CRY1: variants seen among roughly 807,000 people sequenced by gnomAD.
The protein encoded by CRY1 is cryptochrome-1.
Under a neutral mutation model 76.0 loss-of-function variants are expected in CRY1, and 45 were observed. That is an observed-to-expected ratio of 0.59 (90% CI 0.47 to 0.76). CRY1 has a LOEUF of 0.76. Among genes scored for constraint, CRY1 ranks in the 30% least tolerant of loss-of-function variants. CRY1 has a pLI of 0.00. For synonymous variants in CRY1, 248 were observed against 244.0 expected (o/e 1.02, Z -0.15); for missense variants, 587 against 716.4 (o/e 0.82, Z 2.06).
At chr12:107,067,890 C>T (rs891857774) in intron 1 of CRY1, among the ~76,000 whole-genome samples, 1 of 152,194 alleles carries the variant, frequency 6.6e-6, no homozygotes, top group African/African-American at 2.4e-5. Context: ...CTAACTATTC[C>T]ATAAGAACAA....
At chr12:106,998,158 A>G (rs1265003792) in intron 7 of CRY1, 92 bp from the exon 8 acceptor site, 2 of 1,398,812 alleles carry the variant, frequency 1.4e-6, no homozygotes, top group Non-Finnish European at 2.0e-6. Context: ...GTCAAGGCAA[A>G]GAAAATCTAG....
chr12:107,001,037 G>GCCC (rs1475915747), intron 5 of CRY1, among the ~76,000 whole-genome samples: 1 of 152,068 alleles, frequency 6.6e-6, no homozygotes, highest in African/African-American at 2.4e-5. Flanking sequence ...AGCTTAGGTA[G>GCCC]AAAGAACAGA....
intron 1 of CRY1, among the ~76,000 whole-genome samples, chr12:107,082,130 A>G (rs1216560592): frequency 6.6e-6 from 1 of 152,160 alleles, no homozygotes; most frequent in African/African-American, 2.4e-5. Flanking sequence ...AAATGGATCA[A>G]TGTAACAAGA....
At chr12:107,000,816 CTT>C (rs1040649630) in intron 5 of CRY1, among the ~76,000 whole-genome samples, 39 of 150,218 alleles carry the variant, frequency 2.6e-4, no homozygotes, top group African/African-American at 9.3e-4. Flanking sequence ...CCCTGGCTAA[CTT>C]TTGTATTTTT....
At chr12:107,045,384 G>A (rs1952837859) in intron 1 of CRY1, among the ~76,000 whole-genome samples, 1 of 152,190 alleles carries the variant, frequency 6.6e-6, no homozygotes, top group South Asian at 2.1e-4. Flanking sequence ...GGGCAGCCGG[G>A]TGCAGTGGCT....
At chr12:107,007,809 C>T (rs184890625) in intron 2 of CRY1, among the ~76,000 whole-genome samples, 15 of 152,246 alleles carry the variant, frequency 9.9e-5, no homozygotes, top group Non-Finnish European at 1.3e-4. Flanking sequence ...GGATTACAGA[C>T]GAGAGCCAAT....
chr12:107,005,802 C>A (rs1386678459), intron 2 of CRY1, among the ~76,000 whole-genome samples: 2 of 151,862 alleles, frequency 1.3e-5, no homozygotes, highest in Middle Eastern at 3.2e-3. Flanking sequence ...TACTAAAAAA[C>A]GTTAACTGAA....
intron 1 of CRY1, among the ~76,000 whole-genome samples, chr12:107,029,879 C>A (rs1952657084): frequency 6.6e-6 from 1 of 152,178 alleles, no homozygotes; most frequent in South Asian, 2.1e-4. Flanking sequence ...CTAATATGCT[C>A]TGAAAAATCA....
chr12:107,022,929 A>G lies in CRY1; in HGVS notation c.159-737T>C, dbSNP rs564388572. Among the ~76,000 whole-genome samples, 11 of 152,140 alleles carry G rather than the reference A, an allele frequency of 7.2e-5. No homozygotes were observed. The East Asian group carries it at 2.1e-3, about 29-fold the overall frequency. On this transcript the variant is annotated intron_variant, in intron 1 of 12. Coordinates refer to ENST00000008527, the MANE Select transcript of CRY1 (RefSeq NM_004075.5). ...AATGAAATAAGTAGTAACAAGGCTT[A>G]CACATGACAGATATCTAGGAAAATT...
At chr12:107,040,474 T>A (rs900674327) in intron 1 of CRY1, among the ~76,000 whole-genome samples, 1 of 151,686 alleles carries the variant, frequency 6.6e-6, no homozygotes, top group Non-Finnish European at 1.5e-5. Flanking sequence ...TTAGTAGAGA[T>A]GGAGTTTCAC....
At chr12:107,021,568 G>C (rs1020561675) in intron 2 of CRY1, among the ~76,000 whole-genome samples, 2 of 152,106 alleles carry the variant, frequency 1.3e-5, no homozygotes, top group Middle Eastern at 3.2e-3. Context: ...AAATGATATG[G>C]AACAACTTCC....
chr12:107,084,379 T>A (rs1373589937), intron 1 of CRY1, among the ~76,000 whole-genome samples: 2 of 152,052 alleles, frequency 1.3e-5, no homozygotes. Context: ...GCCAAGACAA[T>A]CCTAAGCAAA....
At chr12:107,048,960 C>T (rs1024034314) in intron 1 of CRY1, among the ~76,000 whole-genome samples, 11 of 152,080 alleles carry the variant, frequency 7.2e-5, no homozygotes, top group Admixed American at 4.6e-4. Context: ...GTGTTCCAGA[C>T]ATTATATTTA....
intron 1 of CRY1, among the ~76,000 whole-genome samples, chr12:107,075,985 G>A (rs1265820165): frequency 6.6e-6 from 1 of 152,046 alleles, no homozygotes; most frequent in Admixed American, 6.6e-5. Context: ...AGAAGCCATG[G>A]GAGGTAGAGG....
At chr12:107,091,163 C>G (rs192931513) in intron 1 of CRY1, among the ~76,000 whole-genome samples, 145 of 152,186 alleles carry the variant, frequency 9.5e-4, no homozygotes, top group Non-Finnish European at 1.5e-3. Context: ...CCTCAGCCTC[C>G]TGAGTGGCTG....
intron 1 of CRY1, among the ~76,000 whole-genome samples, chr12:107,074,947 G>A (rs1953233624): frequency 6.6e-6 from 1 of 152,100 alleles, no homozygotes; most frequent in Non-Finnish European, 1.5e-5. Flanking sequence ...CCGAGGAGGT[G>A]GAGGTTGCAG....
In CRY1 at chr12:107,006,638, C is replaced by CGTTTTTTTTTTTTTTT. The variant is rs71076707; in HGVS notation, c.268-1391_268-1390insAAAAAAAAAAAAAAAC. ...CTTGCCAATAATATGTATTAGTAAT[C>CGTTTTTTTTTTTTTTT]TTTTTTTTTTTTTTTTTTAGATGAC... On this transcript the variant is annotated intron_variant, in intron 2 of 12. Transcript: ENST00000008527. Among the ~76,000 whole-genome samples, 8 of 137,108 alleles carry CGTTTTTTTTTTTTTTT rather than the reference C, an allele frequency of 5.8e-5. 2 individuals carry two copies. The highest frequency in any genetic ancestry group is 1.1e-4 in the Non-Finnish European group (7 of 65,238). The allele number at this position is 137,108 out of a possible 152,430, so 89.9% of individuals were successfully genotyped here.
At chr12:106,994,560 T>A (rs892349332) in intron 10 of CRY1, among the ~76,000 whole-genome samples, 3 of 152,250 alleles carry the variant, frequency 2.0e-5, no homozygotes, top group Non-Finnish European at 4.4e-5. Flanking sequence ...AATATTTACA[T>A]GATTAAAATA....
At chr12:107,066,207 G>T (rs969601358) in intron 1 of CRY1, among the ~76,000 whole-genome samples, 2 of 152,162 alleles carry the variant, frequency 1.3e-5, no homozygotes, top group African/African-American at 2.4e-5. Context: ...CAACTTTACA[G>T]TTCAGTAAAA....
Sources: gnomAD v4.1 joint callset for allele counts (sites outside exome capture counted in the v4.1 genomes callset) on GRCh38, gnomAD v4.1.1 for gene constraint, MANE v1.5 for transcripts, NCBI Gene and HGNC (gene_info 2026-07-23, HGNC 2026-07-21) for gene names.